Variants in SLC6A2 observed in about 807,000 individuals in gnomAD.
The protein encoded by SLC6A2 is sodium-dependent noradrenaline transporter.
A neutral mutation model predicts 71.7 loss-of-function variants in SLC6A2; 26 were observed. The observed-to-expected ratio is 0.36, with a 90% CI of 0.27 to 0.50. SLC6A2 has a LOEUF of 0.50. Among genes scored for constraint, SLC6A2 ranks in the 20% least tolerant of loss-of-function variants. SLC6A2 has a pLI of 0.96. For missense variants in SLC6A2, 581 were observed against 803.9 expected, an observed-to-expected ratio of 0.72 and a Z score of 3.35; for synonymous variants, 363 against 337.9, an observed-to-expected ratio of 1.07 and a Z score of -0.82.
Position 55,700,188 on chromosome 16 carries a change from A to G in SLC6A2, c.1640A>G (p.Asp547Gly). ...IINFKPLTYDDYIFPPWANWV... is the reference protein window; with the variant it reads ...IINFKPLTYDGYIFPPWANWV... ...AACTTCAAGCCACTCACCTACGACGACTACATCTTCCCGCCCTGGGCCAAC... is the reference window on the plus strand; with the variant it reads ...AACTTCAAGCCACTCACCTACGACGGCTACATCTTCCCGCCCTGGGCCAAC... Residue 547 changes from aspartate to glycine, a missense_variant, in exon 13 of 15, where the codon GAC becomes GGC. Asp to Gly is a moderately conservative substitution (Grantham distance 94). This residue lies in a region of SLC6A2 where 334 missense variants were observed against 449.0 expected (regional missense o/e 0.74). Coordinates refer to ENST00000568943, the MANE Select transcript of SLC6A2 (RefSeq NM_001172501.3). 6.2e-7 allele frequency: 1 copy of G among 1,614,090 alleles called. No individual in the cohort carries two copies. Among genetic ancestry groups the G allele is most frequent in the South Asian group, 1.1e-5 (1 of 91,088 alleles).
Position 55,694,076 on chromosome 16 carries a change from T to C in SLC6A2, c.985T>C (p.Phe329Leu), listed in dbSNP as rs1297916912. The C allele has an allele frequency of 1.2e-6, 2 of 1,612,926 alleles. No individual in the cohort carries two copies. The highest frequency in any genetic ancestry group is 1.7e-6 in the Non-Finnish European group (2 of 1,178,990). ...GGCTGGATTTGGAGTATTGATTGCA[T>C]TTGCCAGTTACAACAAATTTGACAA... ...LGAGFGVLIA[F>L]ASYNKFDNNC... Residue 329 changes from phenylalanine to leucine, a missense_variant, in exon 7 of 15, where the codon TTT (phenylalanine) becomes CTT (leucine). Phe to Leu is a conservative substitution (Grantham distance 22, BLOSUM62 0). Transcript: ENST00000568943.
intron 2 of SLC6A2, 60 bp from the exon 3 acceptor site, chr16:55,669,505 G>T: frequency 6.2e-7 from 1 of 1,603,166 alleles, no homozygotes; most frequent in Non-Finnish European, 8.5e-7. Flanking sequence ...TGCAGACACG[G>T]ATCCAAGACT....
chr16:55,697,645 G>A (rs1965839509), intron 9 of SLC6A2, among the ~76,000 whole-genome samples: 2 of 152,188 alleles, frequency 1.3e-5, no homozygotes, highest in South Asian at 2.1e-4. Flanking sequence ...ACAGGTAGCT[G>A]TTGCGTAGGG....
intron 5 of SLC6A2, among the ~76,000 whole-genome samples, chr16:55,685,624 G>T (rs1965427931): frequency 6.6e-6 from 1 of 152,180 alleles, no homozygotes; most frequent in African/African-American, 2.4e-5. Flanking sequence ...ACATGCCCTT[G>T]ATAAATCTTG....
Position 55,705,980 on chromosome 16 carries a change from T to C in SLC6A2, c.*3634T>C, listed in dbSNP as rs1303946704. 1 of 152,234 alleles carries C rather than the reference T, an allele frequency of 6.6e-6. No individual in the cohort carries two copies. Among genetic ancestry groups the C allele is most frequent in the Non-Finnish European group, 1.5e-5 (1 of 68,050 alleles). The allele number at this position is 152,234 out of a possible 1,614,324, so 9.4% of individuals were successfully genotyped here. A position where few individuals can be genotyped will look rare whatever the true frequency, so the allele number is the denominator to read the frequency against. On this transcript the variant is annotated 3_prime_UTR_variant, in exon 15 of 15. Transcript: ENST00000568943. ...TGTGGTCTTAGAAGCCACTGAAACA[T>C]TGGTGAATGTGAAGTCACTTTTGGG...
chr16:55,686,501 A>C (rs1567447592), intron 5 of SLC6A2, among the ~76,000 whole-genome samples: 1 of 152,188 alleles, frequency 6.6e-6, no homozygotes, highest in African/African-American at 2.4e-5. Context: ...GGAGGGGATT[A>C]CACACAGGTG....
In SLC6A2 at chr16:55,678,120, T is replaced by C. The variant is rs570352970; in HGVS notation, c.644+5945T>C. On this transcript the variant is annotated intron_variant, in intron 4 of 14. Coordinates refer to ENST00000568943, the MANE Select transcript of SLC6A2 (RefSeq NM_001172501.3). ...AATCCCATTTAATCTTCACAGTTCA[T>C]GGAGGTAGAAATTATTCCCATTTTA... Among the ~76,000 whole-genome samples, 146 of 152,330 alleles carry C rather than the reference T, an allele frequency of 9.6e-4. 3 individuals are homozygous for C. Among genetic ancestry groups the C allele is most frequent in the African/African-American group, 3.2e-3 (135 of 41,578 alleles).
At chr16:55,698,641 C>T in intron 11 of SLC6A2, 73 bp downstream of exon 11, 1 of 1,036,022 alleles carries the variant, frequency 9.7e-7, no homozygotes, top group East Asian at 2.4e-5. Context: ...TGCAGGGAGG[C>T]CTTCCATTTC....
chr16:55,677,208 G>C, intron 4 of SLC6A2, among the ~76,000 whole-genome samples: 1 of 152,106 alleles, frequency 6.6e-6, no homozygotes, highest in South Asian at 2.1e-4. Context: ...CGAACCATCA[G>C]AGAGCTTGCA....
intron 4 of SLC6A2, among the ~76,000 whole-genome samples, chr16:55,678,334 C>A (rs796961660): frequency 5.3e-5 from 8 of 152,016 alleles, no homozygotes; most frequent in African/African-American, 1.9e-4. Context: ...TGGCGTGATG[C>A]CCTTTTGTCT....
Position 55,671,935 on chromosome 16 carries a change from C to T in SLC6A2, c.407-3C>T, listed in dbSNP as rs1360058467. On this transcript the variant is annotated splice_polypyrimidine_tract_variant and splice_region_variant and intron_variant, in intron 3 of 14. Transcript: ENST00000568943. ...TCCTACCTTACCCCCTGTCCCTGCC[C>T]AGGCGTTGGCTATGCTGTCATCCTG... 1 of 1,614,106 alleles carries T rather than the reference C, an allele frequency of 6.2e-7. No homozygotes were observed. The highest frequency in any genetic ancestry group is 8.5e-7 in the Non-Finnish European group (1 of 1,180,012).
At chr16:55,685,858 C>T (rs947665415) in intron 5 of SLC6A2, among the ~76,000 whole-genome samples, 5 of 152,160 alleles carry the variant, frequency 3.3e-5, no homozygotes, top group Admixed American at 6.5e-5. Context: ...AGGGCCAGTC[C>T]GGAGTTGGCA....
chr16:55,664,810 C>T (rs182098595), intron 2 of SLC6A2, among the ~76,000 whole-genome samples: 65 of 152,332 alleles, frequency 4.3e-4, no homozygotes, highest in African/African-American at 1.1e-3. Context: ...GCCTGCCCTA[C>T]CTCCATGCTT....
intron 4 of SLC6A2, among the ~76,000 whole-genome samples, chr16:55,682,929 A>AT (rs1323851872): frequency 1.3e-5 from 2 of 152,144 alleles, no homozygotes. Flanking sequence ...CCATGCTACG[A>AT]TACAAGCCCA....
Position 55,694,095 on chromosome 16 carries a change from T to C in SLC6A2, c.1004T>C (p.Phe335Ser), listed in dbSNP as rs1965720829. 1 of 1,604,544 alleles carries C rather than the reference T, an allele frequency of 6.2e-7. No homozygotes were observed. Among genetic ancestry groups the C allele is most frequent in the Non-Finnish European group, 8.5e-7 (1 of 1,171,294 alleles). ...VLIAFASYNK[F>S]DNNCYRDALL... ...ATTGCATTTGCCAGTTACAACAAAT[T>C]TGACAACAACTGTTACAGGTAAGAT... Residue 335 changes from phenylalanine to serine, a missense_variant, in exon 7 of 15, where the codon TTT (phenylalanine) becomes TCT (serine). Coordinates refer to ENST00000568943, the MANE Select transcript of SLC6A2 (RefSeq NM_001172501.3).
chr16:55,669,570 T>G lies in SLC6A2; in HGVS notation c.280T>G (p.Phe94Val). Residue 94 changes from phenylalanine to valine, a missense_variant, in exon 3 of 15, where the codon TTC becomes GTC. Coordinates refer to ENST00000568943, the MANE Select transcript of SLC6A2 (RefSeq NM_001172501.3). Reference sequence around the variant, plus strand: ...TCTGCCCCTGTGTCCTCCAGGTGCCTTCTTGATCCCGTACACACTGTTCCT... The same window carrying G: ...TCTGCCCCTGTGTCCTCCAGGTGCCGTCTTGATCCCGTACACACTGTTCCT... ...YLCYKNGGGA[F>V]LIPYTLFLII... The G allele has an allele frequency of 6.2e-7, 1 of 1,614,040 alleles. No individual in the cohort carries two copies. The highest frequency in any genetic ancestry group is 8.5e-7 in the Non-Finnish European group (1 of 1,179,940).
chr16:55,681,642 A>G lies in SLC6A2; in HGVS notation c.645-3501A>G, dbSNP rs538140699. Among the ~76,000 whole-genome samples, 6 of 152,374 alleles carry G rather than the reference A, an allele frequency of 3.9e-5. No individual in the cohort carries two copies. The East Asian group carries it at 9.6e-4, about 25-fold the overall frequency. ...GCCTTTCTTTCACCTGCCTGGAAAC[A>G]AATTTTAATTCCTACCCAAGGGTAA... On this transcript the variant is annotated intron_variant, in intron 4 of 14. Transcript: ENST00000568943.
At chr16:55,689,168 G>C (rs1965540570) in intron 5 of SLC6A2, among the ~76,000 whole-genome samples, 1 of 152,182 alleles carries the variant, frequency 6.6e-6, no homozygotes, top group South Asian at 2.1e-4. Flanking sequence ...CCTTTCTTCT[G>C]TTTACCCATT....
intron 2 of SLC6A2, among the ~76,000 whole-genome samples, chr16:55,668,866 T>C (rs970989567): frequency 3.3e-5 from 5 of 152,050 alleles, no homozygotes; most frequent in African/African-American, 9.7e-5. Context: ...ACCTAGTGGG[T>C]CACAAGGCCG....
Sources: gnomAD v4.1 joint callset for allele counts (sites outside exome capture counted in the v4.1 genomes callset) on GRCh38, gnomAD v4.1.1 for gene constraint, gnomAD v4.1.1 regional missense constraint, MANE v1.5 for transcripts, NCBI Gene and HGNC (gene_info 2026-07-23, HGNC 2026-07-21) for gene names.